Variants in HACL2 observed in about 807,000 individuals in gnomAD.
HACL2 encodes the protein 2-hydroxyacyl-CoA lyase 2, also known as 2-hydroxyacyl-CoA lyase 1 like.
chr19:15,123,545 T>C, the HACL2 span: 15 of 1,613,886 alleles, frequency 9.3e-6, no homozygotes, highest in Non-Finnish European at 1.3e-5. The surrounding 1 kb of genome is among the most constrained non-coding windows in gnomAD (Gnocchi z 5.1). Flanking sequence ...GGCCACGTTC[T>C]CTCCGCCATG....
chr19:15,124,930 G>GA, the HACL2 span: 1 of 1,606,018 alleles, frequency 6.2e-7, no homozygotes, highest in Non-Finnish European at 8.5e-7. Context: ...CGCACCTTGT[G>GA]CAGCAGCTGA....
At chr19:15,124,842 A>G in the HACL2 span, 3 of 1,521,466 alleles carry the variant, frequency 2.0e-6, no homozygotes, top group South Asian at 2.5e-5. Flanking sequence ...CCCACCCTGC[A>G]CAATGAGTGA....
the HACL2 span, chr19:15,119,587 G>C: frequency 4.9e-5 from 65 of 1,316,868 alleles, no homozygotes; most frequent in Non-Finnish European, 6.6e-5. Context: ...GTTTCACTCT[G>C]TTGCCCAGGA....
chr19:15,120,103 A>G, the HACL2 span: 1 of 1,453,040 alleles, frequency 6.9e-7, no homozygotes, highest in Non-Finnish European at 9.4e-7. Flanking sequence ...AGGGGGAAGA[A>G]ACCAAGTTGC....
the HACL2 span, chr19:15,115,249 G>A: frequency 6.2e-7 from 1 of 1,613,920 alleles, no homozygotes. Context: ...GACCCACAAG[G>A]CCCTATACAG....
chr19:15,119,504 A>G, the HACL2 span: 15 of 1,613,658 alleles, frequency 9.3e-6, no homozygotes, highest in African/African-American at 2.7e-5. Flanking sequence ...GGATCTCCAC[A>G]CAGCGCTGAA....
At chr19:15,124,969 C>T in the HACL2 span, 2 of 1,607,834 alleles carry the variant, frequency 1.2e-6, no homozygotes, top group East Asian at 2.2e-5. Context: ...TGAGCGGCGC[C>T]CAGCAAGGCG....
At chr19:15,125,236 G>A in the HACL2 span, 3 of 688,312 alleles carry the variant, frequency 4.4e-6, no homozygotes, top group Non-Finnish European at 7.3e-6. Context: ...GCCTAGGCTC[G>A]GGGTGAAGCC....
chr19:15,123,941 G>A, the HACL2 span: 1 of 255,396 alleles, frequency 3.9e-6, no homozygotes, highest in Non-Finnish European at 7.6e-6. The surrounding 1 kb of genome is among the most constrained non-coding windows in gnomAD (Gnocchi z 5.1). Context: ...GTTTGGCCAG[G>A]GGCACAACGC....
At chr19:15,122,692 C>T in the HACL2 span, 1 of 1,613,570 alleles carries the variant, frequency 6.2e-7, no homozygotes, top group Non-Finnish European at 8.5e-7. This position sits in a 1 kb window ranked among gnomAD's most constrained non-coding sequence, Gnocchi z 4.0. Flanking sequence ...GGGCTATTCA[C>T]CAGGAGACCA....
the HACL2 span, chr19:15,123,041 C>T: frequency 1.9e-6 from 3 of 1,606,860 alleles, no homozygotes; most frequent in Non-Finnish European, 2.5e-6. This position sits in a 1 kb window ranked among gnomAD's most constrained non-coding sequence, Gnocchi z 5.1. Context: ...CTGGCAAAGA[C>T]AGAGGTGTGG....
chr19:15,120,366 T>C, the HACL2 span, among the ~76,000 whole-genome samples: 1 of 152,198 alleles, frequency 6.6e-6, no homozygotes, highest in East Asian at 1.9e-4. Context: ...CCAACAGATG[T>C]GAGCTCAAGT....
At chr19:15,120,006 G>T in the HACL2 span, 1 of 1,550,612 alleles carries the variant, frequency 6.4e-7, no homozygotes, top group South Asian at 1.2e-5. Context: ...CCTGGGGGAT[G>T]TCCAGGGGCA....
the HACL2 span, chr19:15,122,610 A>C: frequency 8.6e-7 from 1 of 1,167,436 alleles, no homozygotes; most frequent in Non-Finnish European, 1.3e-6. The surrounding 1 kb of genome is among the most constrained non-coding windows in gnomAD (Gnocchi z 4.0). Context: ...CCACATGTGA[A>C]TCAAAGGAGG....
chr19:15,124,653 C>T, the HACL2 span: 1 of 510,082 alleles, frequency 2.0e-6, no homozygotes. Context: ...TCCATCTGTT[C>T]TGTGAAAAGA....
chr19:15,125,085 C>A, the HACL2 span: 3 of 1,515,348 alleles, frequency 2.0e-6, no homozygotes, highest in Non-Finnish European at 2.7e-6. Context: ...AGAGAAAGGG[C>A]ACTTCCCAGA....
the HACL2 span, chr19:15,117,067 C>T: frequency 6.0e-6 from 1 of 166,452 alleles, no homozygotes; most frequent in Middle Eastern, 5.4e-4. Flanking sequence ...CACCCAGCCC[C>T]CTTCCGGCCT....
the HACL2 span, among the ~76,000 whole-genome samples, chr19:15,122,456 G>C: frequency 6.6e-6 from 1 of 151,776 alleles, no homozygotes; most frequent in Non-Finnish European, 1.5e-5. The surrounding 1 kb of genome is among the most constrained non-coding windows in gnomAD (Gnocchi z 4.0). Flanking sequence ...GGAGGAGGAG[G>C]GCTGTCCTGA....
At chr19:15,123,327 C>G in the HACL2 span, 1 of 1,606,444 alleles carries the variant, frequency 6.2e-7, no homozygotes, top group Non-Finnish European at 8.5e-7. This position sits in a 1 kb window ranked among gnomAD's most constrained non-coding sequence, Gnocchi z 5.1. Context: ...CACAGACACT[C>G]TAGCCCACAG....
Sources: allele counts gnomAD v4.1 joint callset (sites outside exome capture counted in the v4.1 genomes callset), GRCh38; gene constraint gnomAD v4.1.1; non-coding constraint Gnocchi (gnomAD v3.1); transcripts MANE v1.5; gene names NCBI Gene and HGNC (gene_info 2026-07-23, HGNC 2026-07-21).